ARL15: variants seen among roughly 807,000 people sequenced by gnomAD.
ARL15 encodes the protein ARF like GTPase 15.
A neutral mutation model predicts 25.2 loss-of-function variants in ARL15; 19 were observed. The ratio of observed to expected loss-of-function variants is 0.75; its 90% CI spans 0.53 to 1.10. ARL15 has a LOEUF of 1.10. ARL15 is among the 50% of genes least tolerant of loss of function. The pLI, the probability that ARL15 is intolerant of heterozygous loss-of-function variation, is 0.00. For missense variants in ARL15, 220 were observed against 246.0 expected (o/e 0.89, Z 0.71); for synonymous variants, 94 against 86.8 (o/e 1.08, Z -0.46).
chr5:54,005,629 C>T (rs374373621), intron 4 of ARL15, among the ~76,000 whole-genome samples: 11 of 151,736 alleles, frequency 7.2e-5, no homozygotes, highest in African/African-American at 1.9e-4. Flanking sequence ...TTTCGGAGGC[C>T]GAGGCGGGCG....
At chr5:54,190,221 T>A (rs908899394) in intron 1 of ARL15, among the ~76,000 whole-genome samples, 1 of 151,886 alleles carries the variant, frequency 6.6e-6, no homozygotes, top group African/African-American at 2.4e-5. Flanking sequence ...TGAAACCCCG[T>A]TTCTACTAAA....
chr5:54,055,410 G>C (rs1160059989), intron 4 of ARL15, among the ~76,000 whole-genome samples: 1 of 140,106 alleles, frequency 7.1e-6, no homozygotes. Context: ...GCCCAGGCTG[G>C]AGTGCTGTGG....
At chr5:53,963,805 T>TCTCACACACACA (rs1407291151) in intron 4 of ARL15, among the ~76,000 whole-genome samples, 38 of 143,244 alleles carry the variant, frequency 2.7e-4, no homozygotes, top group African/African-American at 1.0e-3. Flanking sequence ...TGAAACTCCA[T>TCTCACACACACA]CACACACACA....
chr5:53,903,094 C>T (rs376201484), intron 4 of ARL15, among the ~76,000 whole-genome samples: 20 of 152,084 alleles, frequency 1.3e-4, no homozygotes, highest in African/African-American at 4.6e-4. Context: ...AGTGGTAATC[C>T]GTACTGAGGA....
At chr5:54,070,839 C>A (rs1751396134) in intron 4 of ARL15, among the ~76,000 whole-genome samples, 1 of 151,520 alleles carries the variant, frequency 6.6e-6, no homozygotes, top group Non-Finnish European at 1.5e-5. Flanking sequence ...CAGATTGAGA[C>A]TTTGTCTCAA....
At chr5:53,942,516 G>A (rs999213759) in intron 4 of ARL15, among the ~76,000 whole-genome samples, 3 of 150,984 alleles carry the variant, frequency 2.0e-5, no homozygotes, top group Admixed American at 1.3e-4. Flanking sequence ...GGGAGGCCGA[G>A]GCAGGTGGAT....
At chr5:54,194,716 C>T (rs1755503915) in intron 1 of ARL15, among the ~76,000 whole-genome samples, 1 of 152,106 alleles carries the variant, frequency 6.6e-6, no homozygotes, top group South Asian at 2.1e-4. Flanking sequence ...GGTAGAATGA[C>T]CTCACAGGGT....
At chr5:54,238,892 G>C (rs1331881046) in intron 1 of ARL15, among the ~76,000 whole-genome samples, 1 of 152,202 alleles carries the variant, frequency 6.6e-6, no homozygotes. Context: ...AACTCATTTT[G>C]ACATTCAAGT....
Position 54,113,328 on chromosome 5 carries a change from T to C in ARL15, c.336A>G (p.Ser112=). Residue 112 remains serine, a synonymous_variant, in exon 4 of 5, where the codon TCA becomes TCG. Coordinates refer to ENST00000504924, the MANE Select transcript of ARL15 (RefSeq NM_019087.3). ...TTCTAGCAGCTTCTAAATCATCCTC[T>C]GAAGAGGCACTGTCTAATACAAATA... ...GVIFVLDSAS[S]EDDLEAARNE... 6.2e-7 allele frequency: 1 copy of C among 1,614,000 alleles called. No individual in the cohort carries two copies. The highest frequency in any genetic ancestry group is 8.5e-7 in the Non-Finnish European group (1 of 1,179,870).
chr5:54,073,729 T>G (rs1429059950), intron 4 of ARL15, among the ~76,000 whole-genome samples: 1 of 152,224 alleles, frequency 6.6e-6, no homozygotes, highest in Non-Finnish European at 1.5e-5. Flanking sequence ...GTTTTCCTAC[T>G]TCTAGTCCCC....
At chr5:54,045,191 A>G (rs1442470086) in intron 4 of ARL15, among the ~76,000 whole-genome samples, 1 of 152,176 alleles carries the variant, frequency 6.6e-6, no homozygotes, top group Non-Finnish European at 1.5e-5. Flanking sequence ...CTGGTCAGAA[A>G]ACACAAAGCA....
chr5:54,088,417 A>G (rs1391210707), intron 4 of ARL15, among the ~76,000 whole-genome samples: 1 of 152,224 alleles, frequency 6.6e-6, no homozygotes, highest in African/African-American at 2.4e-5. Context: ...CATAGTATGT[A>G]CACATAGTAC....
At chr5:53,990,695 G>A (rs549775060) in intron 4 of ARL15, among the ~76,000 whole-genome samples, 1 of 152,298 alleles carries the variant, frequency 6.6e-6, no homozygotes, top group East Asian at 1.9e-4. Flanking sequence ...TTGTGTTTCT[G>A]AAGAAAGCTG....
intron 4 of ARL15, among the ~76,000 whole-genome samples, chr5:53,953,930 G>A (rs1027402424): frequency 1.3e-5 from 2 of 151,906 alleles, no homozygotes; most frequent in African/African-American, 4.8e-5. Flanking sequence ...GTAGTGAGAT[G>A]GTAATAGATT....
chr5:54,244,789 A>G (rs1055833883), intron 1 of ARL15, among the ~76,000 whole-genome samples: 15 of 109,718 alleles, frequency 1.4e-4, no homozygotes, highest in Non-Finnish European at 2.1e-5. Flanking sequence ...AACAAAGAAA[A>G]AGGTAGCCAT....
At chr5:53,979,112 C>G (rs924974836) in intron 4 of ARL15, among the ~76,000 whole-genome samples, 3 of 152,194 alleles carry the variant, frequency 2.0e-5, no homozygotes, top group Non-Finnish European at 4.4e-5. Context: ...GCTTTCAGAA[C>G]AGCACATCTA....
At chr5:54,191,111 GATT>G (rs1755386221) in intron 1 of ARL15, among the ~76,000 whole-genome samples, 1 of 151,956 alleles carries the variant, frequency 6.6e-6, no homozygotes, top group African/African-American at 2.4e-5. Context: ...ACATATAATC[GATT>G]ACTATTTAGC....
chr5:54,047,399 A>T (rs1179859474), intron 4 of ARL15, among the ~76,000 whole-genome samples: 1 of 152,162 alleles, frequency 6.6e-6, no homozygotes, highest in Non-Finnish European at 1.5e-5. Flanking sequence ...CTCCTACTGC[A>T]TGTTTCATGT....
chr5:54,237,240 AAGGCAT>A (rs1353525773), intron 1 of ARL15, among the ~76,000 whole-genome samples: 2 of 152,206 alleles, frequency 1.3e-5, no homozygotes, highest in Non-Finnish European at 2.9e-5. Flanking sequence ...GCCACCATGC[AAGGCAT>A]GCCTTTGCTA....
Sources: allele counts gnomAD v4.1 joint callset (sites outside exome capture counted in the v4.1 genomes callset), GRCh38; gene constraint gnomAD v4.1.1; transcripts MANE v1.5; gene names NCBI Gene and HGNC (gene_info 2026-07-23, HGNC 2026-07-21).